ZFPM2: variants seen among roughly 807,000 people sequenced by gnomAD.
The protein encoded by ZFPM2 is zinc finger protein ZFPM2.
Under a neutral mutation model 98.6 loss-of-function variants are expected in ZFPM2, and 20 were observed. That is an observed-to-expected ratio of 0.20 (90% confidence interval 0.14 to 0.29). The LOEUF is 0.29. Ranked by LOEUF, ZFPM2 falls within the 10% of genes least tolerant of loss-of-function variation. ZFPM2 has a pLI of 1.00. For missense variants in ZFPM2, 1,310 were observed against 1,388.6 expected (o/e 0.94, Z 0.90); for synonymous variants, 518 against 502.7 (o/e 1.03, Z -0.41).
At chr8:105,518,098 T>A (rs1469586099) in intron 3 of ZFPM2, among the ~76,000 whole-genome samples, 1 of 152,200 alleles carries the variant, frequency 6.6e-6, no homozygotes, top group Admixed American at 6.5e-5. Flanking sequence ...ATGGATATCA[T>A]CATTGCTATC....
rs528691224 is a variant in ZFPM2 at position 105,395,332 on chromosome 8, G to A, written c.41-23812G>A. 4.6e-5 allele frequency among the ~76,000 whole-genome samples: 7 copies of A among 152,220 alleles called. No individual in the cohort carries two copies. The South Asian group carries it at 1.2e-3, about 27-fold the overall frequency. ...ATGTATATCTTTAGTATTACCATGTGTCGTCTCTAATTAGAAACCTTTTTC... is the reference window on the plus strand; with the variant it reads ...ATGTATATCTTTAGTATTACCATGTATCGTCTCTAATTAGAAACCTTTTTC... On this transcript the variant is annotated intron_variant, in intron 1 of 7. Coordinates refer to ENST00000407775, the MANE Select transcript of ZFPM2 (RefSeq NM_012082.4).
intron 1 of ZFPM2, among the ~76,000 whole-genome samples, chr8:105,368,937 C>G (rs1351400794): frequency 6.6e-6 from 1 of 152,156 alleles, no homozygotes; most frequent in Admixed American, 6.6e-5. Context: ...AAGTGCATGG[C>G]TATGAGTCCC....
intron 3 of ZFPM2, among the ~76,000 whole-genome samples, chr8:105,528,667 T>C (rs1814227237): frequency 6.6e-6 from 1 of 152,076 alleles, no homozygotes; most frequent in African/African-American, 2.4e-5. Context: ...GCAACATAGT[T>C]TGGGTAAATG....
At chr8:105,432,991 A>G (rs1162653302) in intron 2 of ZFPM2, among the ~76,000 whole-genome samples, 1 of 152,014 alleles carries the variant, frequency 6.6e-6, no homozygotes, top group East Asian at 1.9e-4. Context: ...TATTCTAGCT[A>G]CTTGAGGCTG....
intron 5 of ZFPM2, among the ~76,000 whole-genome samples, chr8:105,653,854 CTTTTTTTTTTTTTTTTTTT>C (rs60218363): frequency 2.8e-5 from 1 of 35,260 alleles, no homozygotes; most frequent in African/African-American, 1.1e-4. Flanking sequence ...TGTGTGCTAT[CTTTTTTTTTTTTTTTTTTT>C]TTTTTTTTTT....
At chr8:105,493,406 G>A (rs1813395016) in intron 3 of ZFPM2, among the ~76,000 whole-genome samples, 1 of 152,192 alleles carries the variant, frequency 6.6e-6, no homozygotes, top group South Asian at 2.1e-4. Flanking sequence ...CTAAACCCTT[G>A]AAGAAAGATG....
chr8:105,642,814 T>G (rs543035929), intron 5 of ZFPM2, among the ~76,000 whole-genome samples: 70 of 152,292 alleles, frequency 4.6e-4, no homozygotes, highest in African/African-American at 1.4e-3. Context: ...CACAAAGATG[T>G]GGAATTTTGG....
chr8:105,319,330 T>C (rs1396502857), intron 1 of ZFPM2, among the ~76,000 whole-genome samples: 2 of 152,122 alleles, frequency 1.3e-5, no homozygotes, highest in African/African-American at 4.8e-5. Context: ...ACGCTTATTA[T>C]TGTTGTTGTC....
At chr8:105,462,655 G>A (rs1812723800) in intron 3 of ZFPM2, among the ~76,000 whole-genome samples, 1 of 152,094 alleles carries the variant, frequency 6.6e-6, no homozygotes, top group African/African-American at 2.4e-5. Flanking sequence ...GTGAATTAAT[G>A]AAAAGAGTGC....
At chr8:105,664,788 G>A (rs1817459118) in intron 5 of ZFPM2, among the ~76,000 whole-genome samples, 1 of 152,100 alleles carries the variant, frequency 6.6e-6, no homozygotes, top group African/African-American at 2.4e-5. Context: ...AATAGGCAGA[G>A]ACCTTATCAG....
intron 3 of ZFPM2, among the ~76,000 whole-genome samples, chr8:105,497,749 G>A (rs1291467932): frequency 1.3e-5 from 2 of 152,078 alleles, no homozygotes; most frequent in Admixed American, 6.6e-5. Context: ...GTCGATAGGC[G>A]GTAGTGAGAA....
intron 3 of ZFPM2, among the ~76,000 whole-genome samples, chr8:105,490,429 A>G (rs1813335242): frequency 6.6e-6 from 1 of 152,244 alleles, no homozygotes; most frequent in Admixed American, 6.5e-5. Flanking sequence ...AAACAGCAAT[A>G]GAGAACCACT....
intron 1 of ZFPM2, among the ~76,000 whole-genome samples, chr8:105,381,846 G>A (rs1029768969): frequency 3.3e-5 from 5 of 151,950 alleles, no homozygotes; most frequent in African/African-American, 7.3e-5. Flanking sequence ...CCATTATATG[G>A]TACATTTTCA....
At chr8:105,334,075 A>G (rs912301541) in intron 1 of ZFPM2, among the ~76,000 whole-genome samples, 1 of 145,764 alleles carries the variant, frequency 6.9e-6, no homozygotes, top group Non-Finnish European at 1.5e-5. Context: ...TGGAATGTGA[A>G]TGTCAGTATT....
intron 3 of ZFPM2, among the ~76,000 whole-genome samples, chr8:105,444,815 C>A (rs1441165506): frequency 1.3e-5 from 2 of 152,008 alleles, no homozygotes; most frequent in African/African-American, 4.8e-5. Flanking sequence ...TCAAAAGATG[C>A]CCCCTTTTGA....
At chr8:105,704,297 A>G (rs1701081829) in intron 5 of ZFPM2, among the ~76,000 whole-genome samples, 1 of 152,212 alleles carries the variant, frequency 6.6e-6, no homozygotes, top group African/African-American at 2.4e-5. Flanking sequence ...AAAAATTAGA[A>G]AACTATCTGT....
intron 4 of ZFPM2, among the ~76,000 whole-genome samples, chr8:105,614,650 T>C (rs1375939357): frequency 6.6e-6 from 1 of 152,100 alleles, no homozygotes; most frequent in African/African-American, 2.4e-5. Context: ...CAGAGCTGTT[T>C]GTCGAGTCTT....
chr8:105,797,075 A>C (rs1225073266), intron 6 of ZFPM2: 2 of 152,210 alleles, frequency 1.3e-5, no homozygotes, highest in Non-Finnish European at 2.9e-5. Flanking sequence ...CATGACTTCT[A>C]GTCAGTTCTA....
chr8:105,362,629 G>C lies in ZFPM2; in HGVS notation c.40+43648G>C, dbSNP rs1247622113. On this transcript the variant is annotated intron_variant, in intron 1 of 7. Transcript: ENST00000407775. Reference sequence around the variant, plus strand: ...TGCTAGAGTCTTGGAAGGTGAAGAAGGCATACTTATGTTAATAAAACACAG... The same window carrying C: ...TGCTAGAGTCTTGGAAGGTGAAGAACGCATACTTATGTTAATAAAACACAG... Among the ~76,000 whole-genome samples, 5 of 152,258 alleles carry C rather than the reference G, an allele frequency of 3.3e-5. No homozygotes were observed. In the East Asian group the frequency reaches 9.7e-4, roughly 29 times the overall value.
Sources: gnomAD v4.1 joint callset for allele counts (sites outside exome capture counted in the v4.1 genomes callset) on GRCh38, gnomAD v4.1.1 for gene constraint, MANE v1.5 for transcripts, NCBI Gene and HGNC (gene_info 2026-07-23, HGNC 2026-07-21) for gene names.